The following DOP1A variants were observed in gnomAD, a reference collection of about 807,000 sequenced individuals.
The protein encoded by DOP1A is DOP1 leucine zipper like protein A, also known as protein DOP1A.
A neutral mutation model predicts 267.6 loss-of-function variants in DOP1A; 90 were observed. The ratio of observed to expected loss-of-function variants is 0.34; its 90% CI spans 0.28 to 0.40. DOP1A has a LOEUF of 0.40. Among genes scored for constraint, DOP1A ranks in the 10% least tolerant of loss-of-function variants. DOP1A has a pLI of 1.00. For synonymous variants in DOP1A, 932 were observed against 999.1 expected, an observed-to-expected ratio of 0.93 and a Z score of 1.27; for missense variants, 2,437 against 2,900.4, an observed-to-expected ratio of 0.84 and a Z score of 3.67.
intron 1 of DOP1A, among the ~76,000 whole-genome samples, chr6:83,069,207 G>T (rs1013649691): frequency 6.6e-6 from 1 of 152,140 alleles, no homozygotes; most frequent in Admixed American, 6.6e-5. Context: ...GAAAAGACCA[G>T]GGTTTTCCAA....
At chr6:83,104,035 G>A (rs548251862) in intron 4 of DOP1A, among the ~76,000 whole-genome samples, 1 of 149,894 alleles carries the variant, frequency 6.7e-6, no homozygotes, top group East Asian at 1.9e-4. Flanking sequence ...TTAGTTTAAT[G>A]AAGTCTGATT....
At chr6:83,112,573 C>T (rs1331876365) in intron 6 of DOP1A, among the ~76,000 whole-genome samples, 1 of 152,098 alleles carries the variant, frequency 6.6e-6, no homozygotes, top group Non-Finnish European at 1.5e-5. Flanking sequence ...AAGTAAACTC[C>T]CTTGCCTCAG....
chr6:83,113,259 C>A, intron 6 of DOP1A, 64 bp from the exon 7 acceptor site: 1 of 1,315,032 alleles, frequency 7.6e-7, no homozygotes, highest in Non-Finnish European at 1.1e-6. Context: ...AGAGTTGTCA[C>A]ATTTTCGTGG....
chr6:83,142,275 C>T (rs1189191418), intron 24 of DOP1A, among the ~76,000 whole-genome samples: 7 of 151,908 alleles, frequency 4.6e-5, no homozygotes, highest in Non-Finnish European at 7.4e-5. Context: ...TTTGGGAGGC[C>T]GAGGAGGGCG....
intron 31 of DOP1A, 98 bp from the exon 32 acceptor site, chr6:83,153,796 C>T (rs1004101528): frequency 1.2e-5 from 16 of 1,303,312 alleles, no homozygotes; most frequent in African/African-American, 3.0e-5. Context: ...TTCATATCTT[C>T]ATGTCACTGT....
chr6:83,078,339 G>A (rs1249398977), intron 1 of DOP1A, among the ~76,000 whole-genome samples: 3 of 152,194 alleles, frequency 2.0e-5, no homozygotes, highest in African/African-American at 7.2e-5. Context: ...GAGCTTTCCA[G>A]GGATTATCAA....
At chr6:83,069,457 C>G (rs1392701522) in intron 1 of DOP1A, among the ~76,000 whole-genome samples, 1 of 152,130 alleles carries the variant, frequency 6.6e-6, no homozygotes, top group African/African-American at 2.4e-5. Context: ...AAATGGTTAA[C>G]AACTCTTAGA....
At chr6:83,101,259 G>T (rs528122395) in intron 4 of DOP1A, among the ~76,000 whole-genome samples, 1 of 152,182 alleles carries the variant, frequency 6.6e-6, no homozygotes, top group South Asian at 2.1e-4. Flanking sequence ...CTCATGATCC[G>T]CCTGCCTCTG....
intron 30 of DOP1A, 91 bp from the exon 31 acceptor site, chr6:83,153,420 G>A (rs1782118490): frequency 1.3e-6 from 1 of 747,524 alleles, no homozygotes; most frequent in Admixed American, 2.9e-5. Flanking sequence ...ATTTTAAGTA[G>A]TCTAGGTTTT....
At chr6:83,098,974 G>A (rs1772021207) in intron 3 of DOP1A, among the ~76,000 whole-genome samples, 1 of 152,150 alleles carries the variant, frequency 6.6e-6, no homozygotes, top group African/African-American at 2.4e-5. Flanking sequence ...GACCTACAAT[G>A]AGACCAAGTA....
In DOP1A at chr6:83,155,988, C is replaced by T. The variant is rs970503246; in HGVS notation, c.6489C>T (p.Leu2163=). The change falls in exon 34 of 39, where the codon CTC becomes CTT. Residue 2163 remains leucine, a synonymous_variant. Coordinates refer to ENST00000349129, the MANE Select transcript of DOP1A (RefSeq NM_015018.4). The part of the protein sequence containing the change: ...VAVAQSSSLN[L]FANRDVELEQ... ...TGGCTCAAAGCAGTTCACTTAATCTCTTTGCAAACCGTGATGTGGAGCTAG... is the reference window on the plus strand; with the variant it reads ...TGGCTCAAAGCAGTTCACTTAATCTTTTTGCAAACCGTGATGTGGAGCTAG... 1.2e-6 allele frequency: 2 copies of T among 1,614,022 alleles called. No individual in the cohort carries two copies. The highest frequency in any genetic ancestry group is 1.7e-6 in the Non-Finnish European group (2 of 1,179,954).
Position 83,153,507 on chromosome 6 carries a change from A to T in DOP1A, c.6130-4A>T. 1.3e-6 allele frequency: 2 copies of T among 1,577,746 alleles called. No individual in the cohort carries two copies. The highest frequency in any genetic ancestry group is 1.4e-5 in the African/African-American group (1 of 73,010). On this transcript the variant is annotated splice_region_variant and splice_polypyrimidine_tract_variant and intron_variant, in intron 30 of 38. Transcript: ENST00000349129. ...GTTACTCTTCATTTTTTATGTTTTC[A>T]TAGGTTTTGGCTCATCTTTTGGATA... is the stretch of plus-strand genomic sequence containing the variant.
At chr6:83,119,582 G>T (rs1165240123) in intron 8 of DOP1A, among the ~76,000 whole-genome samples, 166 bp from the exon 9 acceptor site, 1 of 152,046 alleles carries the variant, frequency 6.6e-6, no homozygotes, top group Non-Finnish European at 1.5e-5. Flanking sequence ...TATTGAATTG[G>T]TTTCCCTTTA....
intron 4 of DOP1A, among the ~76,000 whole-genome samples, chr6:83,103,137 TA>T (rs1280886514): frequency 1.3e-5 from 2 of 152,184 alleles, no homozygotes; most frequent in African/African-American, 2.4e-5. Flanking sequence ...TGTTGGACTT[TA>T]AAAAATCTGT....
intron 1 of DOP1A, among the ~76,000 whole-genome samples, chr6:83,076,523 T>C (rs1345320996): frequency 1.3e-5 from 2 of 151,416 alleles, no homozygotes; most frequent in African/African-American, 4.9e-5. Context: ...GAAAAAAAAA[T>C]GTTGAAGATC....
intron 15 of DOP1A, among the ~76,000 whole-genome samples, chr6:83,128,450 A>T (rs1171071251): frequency 9.8e-5 from 15 of 152,314 alleles, no homozygotes; most frequent in Admixed American, 9.8e-4. Context: ...AATAGCAAAG[A>T]TTTAATTAGT....
In DOP1A at chr6:83,119,788, A is replaced by C; in HGVS notation, c.921A>C (p.Thr307=). ...GTGCTATCATAGGACCCAGAAGCAC[A>C]AGACACAGTAATCCTGAAGAACATG... ...NNGAIIGPRS[T]RHSNPEEHAT... The change falls in exon 9 of 39, where the codon ACA becomes ACC. Residue 307 remains threonine, a synonymous_variant. Coordinates refer to ENST00000349129, the MANE Select transcript of DOP1A (RefSeq NM_015018.4). 1.2e-6 allele frequency: 2 copies of C among 1,613,202 alleles called. No homozygotes were observed.
chr6:83,125,459 C>G, intron 14 of DOP1A, 41 bp from the exon 15 acceptor site: 1 of 1,579,114 alleles, frequency 6.3e-7, no homozygotes, highest in African/African-American at 1.4e-5. Flanking sequence ...CTTTTGGGTT[C>G]CACATTGTTT....
At chr6:83,068,805 A>G (rs1343717700) in intron 1 of DOP1A, among the ~76,000 whole-genome samples, 1 of 152,252 alleles carries the variant, frequency 6.6e-6, no homozygotes, top group Non-Finnish European at 1.5e-5. Context: ...GGCCGACTGA[A>G]GTTATGAGTA....
Sources: gnomAD v4.1 joint callset for allele counts (sites outside exome capture counted in the v4.1 genomes callset) on GRCh38, gnomAD v4.1.1 for gene constraint, MANE v1.5 for transcripts, NCBI Gene and HGNC (gene_info 2026-07-23, HGNC 2026-07-21) for gene names.